The following CDH13 variants were observed in gnomAD, a reference collection of about 807,000 sequenced individuals.
CDH13 encodes cadherin 13.
A neutral mutation model predicts 63.8 loss-of-function variants in CDH13; 24 were observed. That is an observed-to-expected ratio of 0.38 (90% confidence interval 0.27 to 0.53). The LOEUF (loss-of-function observed/expected upper bound fraction) is 0.53. CDH13 is among the 20% of genes least tolerant of loss of function. The pLI is 0.85. For synonymous variants in CDH13, 503 were observed against 355.3 expected (o/e 1.42, Z -4.67); for missense variants, 1,049 against 903.1 (o/e 1.16, Z -2.07).
chr16:83,579,527 A>C (rs758187018), intron 7 of CDH13, among the ~76,000 whole-genome samples: 1 of 151,808 alleles, frequency 6.6e-6, no homozygotes, highest in Non-Finnish European at 1.5e-5. Flanking sequence ...TCTCACAAGA[A>C]CTCACTATCA....
chr16:83,062,761 G>A (rs1043502026), intron 3 of CDH13, among the ~76,000 whole-genome samples: 1 of 152,166 alleles, frequency 6.6e-6, no homozygotes. Flanking sequence ...TGTGGGTCAA[G>A]AATTCCAGCA....
Position 83,762,359 on chromosome 16 carries a change from A to G in CDH13, c.1681+14109A>G, listed in dbSNP as rs529291666. Among the ~76,000 whole-genome samples the G allele has an allele frequency of 2.6e-5, 4 of 151,970 alleles. No individual in the cohort carries two copies. In the East Asian group the frequency reaches 7.8e-4, roughly 29 times the overall value. ...TATGGAAGACTTCAATGAACACAGA[A>G]TTGCTGCCCTCTCTTAAGAAAGGAT... On this transcript the variant is annotated intron_variant, in intron 11 of 13. Coordinates refer to ENST00000567109, the MANE Select transcript of CDH13 (RefSeq NM_001257.5).
intron 3 of CDH13, among the ~76,000 whole-genome samples, chr16:83,110,528 T>C (rs1004192920): frequency 6.6e-6 from 1 of 152,146 alleles, no homozygotes; most frequent in Non-Finnish European, 1.5e-5. Context: ...TCACTGTATG[T>C]AGAGGTGTAG....
At position 83,101,522 on chromosome 16, in the gene CDH13, G is replaced by A. The variant is rs528443708; in HGVS notation, c.367-23863G>A. Reference sequence around the variant, plus strand: ...AAATACTGGGTAGAGGCTGGGCGTGGTGGCTAATGCCTCTAAGCCCAGCAC... The same window carrying A: ...AAATACTGGGTAGAGGCTGGGCGTGATGGCTAATGCCTCTAAGCCCAGCAC... On this transcript the variant is annotated intron_variant, in intron 3 of 13. Transcript: ENST00000567109. 8.5e-4 allele frequency among the ~76,000 whole-genome samples: 130 copies of A among 152,148 alleles called. 1 individual carries two copies. The highest frequency in any genetic ancestry group is 2.8e-3 in the African/African-American group (115 of 41,532).
At chr16:82,892,059 G>T (rs1421812499) in intron 2 of CDH13, among the ~76,000 whole-genome samples, 1 of 151,894 alleles carries the variant, frequency 6.6e-6, no homozygotes, top group Non-Finnish European at 1.5e-5. Context: ...CTTTATGAAG[G>T]GAGGCAGCTC....
At chr16:83,034,287 C>A (rs901168911) in intron 3 of CDH13, among the ~76,000 whole-genome samples, 4 of 152,132 alleles carry the variant, frequency 2.6e-5, no homozygotes, top group East Asian at 1.9e-4. Flanking sequence ...GAGGGTGGAA[C>A]CTATCTGCCA....
At chr16:83,036,869 G>C (rs564962855) in intron 3 of CDH13, among the ~76,000 whole-genome samples, 52 of 152,248 alleles carry the variant, frequency 3.4e-4, no homozygotes, top group Non-Finnish European at 2.6e-4. Context: ...CCCCACACAA[G>C]CCAGGGTCCA....
At position 83,371,611 on chromosome 16, in the gene CDH13, A is replaced by G. The variant is rs552541733; in HGVS notation, c.781+26605A>G. Among the ~76,000 whole-genome samples, 3 of 152,368 alleles carry G rather than the reference A, an allele frequency of 2.0e-5. No homozygotes were observed. In the East Asian group the frequency reaches 5.8e-4, roughly 29 times the overall value. ...CTGGTACGTTTCCATAATTTAAATC[A>G]TATCATTGCTTAGAAGTAAGTTAAA... On this transcript the variant is annotated intron_variant, in intron 6 of 13. Coordinates refer to ENST00000567109, the MANE Select transcript of CDH13 (RefSeq NM_001257.5).
intron 2 of CDH13, among the ~76,000 whole-genome samples, chr16:82,860,536 G>A (rs955841060): frequency 2.0e-5 from 3 of 152,070 alleles, no homozygotes; most frequent in Non-Finnish European, 4.4e-5. Context: ...TCAGTGATAT[G>A]AGAATTGAGG....
intron 5 of CDH13, among the ~76,000 whole-genome samples, chr16:83,296,825 A>G (rs375490810): frequency 2.0e-5 from 3 of 152,224 alleles, no homozygotes; most frequent in East Asian, 3.8e-4. Flanking sequence ...TGTAATGTAC[A>G]TGGGTAAATG....
At chr16:82,946,082 G>T (rs542950409) in intron 2 of CDH13, among the ~76,000 whole-genome samples, 92 of 152,086 alleles carry the variant, frequency 6.0e-4, no homozygotes, top group African/African-American at 2.1e-3. Context: ...AGCTTCTTGA[G>T]GGGACAGTAT....
chr16:83,518,076 T>C (rs566436361), intron 7 of CDH13, among the ~76,000 whole-genome samples: 43 of 152,278 alleles, frequency 2.8e-4, no homozygotes, highest in South Asian at 8.3e-4. Context: ...GGAGGTAATT[T>C]TATCATGGGG....
intron 4 of CDH13, among the ~76,000 whole-genome samples, chr16:83,191,392 A>T (rs566098842): frequency 2.7e-5 from 4 of 146,122 alleles, no homozygotes; most frequent in African/African-American, 1.0e-4. Flanking sequence ...CTCATCATCA[A>T]ATAAATTAGA....
intron 4 of CDH13, among the ~76,000 whole-genome samples, chr16:83,133,869 G>A (rs2036162480): frequency 1.3e-5 from 2 of 152,222 alleles, no homozygotes; most frequent in Admixed American, 6.5e-5. Context: ...CATTTTGAGA[G>A]ACAATGTCCT....
At chr16:83,255,985 C>T (rs1906213637) in intron 5 of CDH13, among the ~76,000 whole-genome samples, 1 of 152,122 alleles carries the variant, frequency 6.6e-6, no homozygotes, top group African/African-American at 2.4e-5. Flanking sequence ...GACCCAACTT[C>T]CTAGGGCCAC....
At chr16:83,030,636 C>T (rs1163000076) in intron 2 of CDH13, among the ~76,000 whole-genome samples, 6 of 67,014 alleles carry the variant, frequency 9.0e-5, no homozygotes, top group Non-Finnish European at 1.4e-4. Context: ...GAGCAAGACT[C>T]TGTTAAAAAA....
intron 3 of CDH13, among the ~76,000 whole-genome samples, chr16:83,068,051 C>T (rs2032152457): frequency 1.3e-5 from 2 of 152,184 alleles, no homozygotes; most frequent in South Asian, 2.1e-4. Flanking sequence ...ATCCATATGA[C>T]TGCCACTTTG....
At chr16:83,756,789 T>C (rs1369609561) in intron 11 of CDH13, among the ~76,000 whole-genome samples, 1 of 152,082 alleles carries the variant, frequency 6.6e-6, no homozygotes, top group Admixed American at 6.5e-5. Flanking sequence ...ATTCCAAATA[T>C]ACAGAGCAGA....
chr16:82,672,143 A>G (rs937884397), intron 1 of CDH13, among the ~76,000 whole-genome samples: 1 of 152,238 alleles, frequency 6.6e-6, no homozygotes, highest in African/African-American at 2.4e-5. Flanking sequence ...TAACTTCCCA[A>G]CTGTGAGTTT....
Sources: allele counts gnomAD v4.1 joint callset (sites outside exome capture counted in the v4.1 genomes callset), GRCh38; gene constraint gnomAD v4.1.1; transcripts MANE v1.5; gene names NCBI Gene and HGNC (gene_info 2026-07-23, HGNC 2026-07-21).